The following GPR157 variants were observed in gnomAD, a reference collection of about 807,000 sequenced individuals.
GPR157 encodes G protein-coupled receptor 157, also known as G-protein coupled receptor 157.
In GPR157, 16 loss-of-function variants were observed where a neutral mutation model predicts 23.5. That is an observed-to-expected ratio of 0.68 (90% CI 0.46 to 1.04). The LOEUF (loss-of-function observed/expected upper bound fraction) is 1.04. Ranked by LOEUF, GPR157 falls within the 50% of genes least tolerant of loss-of-function variation. The probability of loss-of-function intolerance (pLI) is 0.00; values close to 1 mark genes in which losing one functional copy is unlikely to be tolerated. For missense variants in GPR157, 440 were observed against 460.7 expected (o/e 0.96, Z 0.41); for synonymous variants, 200 against 221.5 (o/e 0.90, Z 0.86).
chr1:9,102,178 G>A lies in GPR157; in HGVS notation c.*2241C>T, dbSNP rs530499938. 1 of 152,232 alleles carries A rather than the reference G, an allele frequency of 6.6e-6. No homozygotes were observed. Among genetic ancestry groups the A allele is most frequent in the African/African-American group, 2.4e-5 (1 of 41,532 alleles). 9.4% of individuals were successfully genotyped at this position (152,232 alleles called of 1,614,324 possible). ...CAATCGAAGCATTTTGGGAGGCTGA[G>A]GTGGGTGGATCACCTGAGGTCAGGA... On this transcript the variant is annotated 3_prime_UTR_variant, in exon 4 of 4. Coordinates refer to ENST00000377411, the MANE Select transcript of GPR157 (RefSeq NM_024980.5).
chr1:9,105,637 T>C lies in GPR157; in HGVS notation c.641A>G (p.His214Arg). 6.2e-7 allele frequency: 1 copy of C among 1,612,968 alleles called. No homozygotes were observed. Among genetic ancestry groups the C allele is most frequent in the Non-Finnish European group, 8.5e-7 (1 of 1,179,688 alleles). Residue 214 changes from histidine (H) to arginine (R), a missense_variant, in exon 3 of 4, where the codon CAC becomes CGC. Coordinates refer to ENST00000377411, the MANE Select transcript of GPR157 (RefSeq NM_024980.5). This position sits in a 1 kb window ranked among gnomAD's most constrained non-coding sequence, Gnocchi z 4.8. ...CATGGAGGAGTGGCGCAGCAGGCGG[T>C]GCTCCTGGGAGAGGATGGGCCGGTA... Reference protein sequence around the residue: ...SEYRPILSQEHRLLRHSSMAD... With the variant: ...SEYRPILSQERRLLRHSSMAD...
rs183442398 is a variant in GPR157, at chr1:9,104,200, C to A, written c.*219G>T. 247 of 564,718 alleles carry A rather than the reference C, an allele frequency of 4.4e-4. No individual in the cohort carries two copies. The highest frequency in any genetic ancestry group is 7.2e-4 in the Non-Finnish European group (225 of 314,624). The allele number at this position is 564,718 out of a possible 1,614,324, so 35.0% of individuals were successfully genotyped here. A position where few individuals can be genotyped will look rare whatever the true frequency, so the allele number is the denominator to read the frequency against. On this transcript the variant is annotated 3_prime_UTR_variant, in exon 4 of 4. Coordinates refer to ENST00000377411, the MANE Select transcript of GPR157 (RefSeq NM_024980.5). ...ACCCTTATGCAGATGAACGCCCACC[C>A]GTGGGCCAGGACGCTGGTACCGGTG...
Position 9,113,084 on chromosome 1 carries a change from C to T in GPR157, c.384-1595G>A, listed in dbSNP as rs545588269. 4.6e-5 allele frequency among the ~76,000 whole-genome samples: 7 copies of T among 152,288 alleles called. No individual in the cohort carries two copies. The South Asian group carries it at 1.5e-3, about 32-fold the overall frequency. On this transcript the variant is annotated intron_variant, in intron 1 of 3. Transcript: ENST00000377411. ...TGTCGGGTCGTTATGAGAACAAATA[C>T]ATGTGTGTACAGAGCACAGGGCCAG... is the stretch of plus-strand genomic sequence containing the variant.
intron 1 of GPR157, among the ~76,000 whole-genome samples, chr1:9,121,454 A>C: frequency 6.6e-6 from 1 of 152,068 alleles, no homozygotes; most frequent in Non-Finnish European, 1.5e-5. Context: ...CCTGGCCAAC[A>C]GGGTAAAACA....
chr1:9,114,470 C>T (rs1427614285), intron 1 of GPR157, among the ~76,000 whole-genome samples: 1 of 152,002 alleles, frequency 6.6e-6, no homozygotes, highest in Non-Finnish European at 1.5e-5. Context: ...TATGTAGGAA[C>T]AGTCCCCCTG....
At chr1:9,123,059 G>A (rs1638833337) in intron 1 of GPR157, among the ~76,000 whole-genome samples, 2 of 150,802 alleles carry the variant, frequency 1.3e-5, no homozygotes, top group South Asian at 4.2e-4. Context: ...GGAAGGCTGA[G>A]GCAGGAGAGT....
intron 1 of GPR157, among the ~76,000 whole-genome samples, chr1:9,114,630 G>A (rs770875638): frequency 1.3e-5 from 2 of 152,310 alleles, no homozygotes; most frequent in African/African-American, 2.4e-5. Flanking sequence ...ACACGGAACC[G>A]CACTCTGTAA....
At chr1:9,104,671 A>T (rs370648598) in intron 3 of GPR157, 37 bp from the exon 4 acceptor site, 863 of 1,484,320 alleles carry the variant, frequency 5.8e-4, no homozygotes, top group Non-Finnish European at 7.6e-4. Flanking sequence ...ATGGGGCTGG[A>T]GTTGGTCTCA....
Position 9,111,498 on chromosome 1 carries a change from G to A in GPR157, c.384-9C>T. On this transcript the variant is annotated splice_polypyrimidine_tract_variant and intron_variant, in intron 1 of 3. Coordinates refer to ENST00000377411, the MANE Select transcript of GPR157 (RefSeq NM_024980.5). ...CCAACGGGACCCCCCAGCTGAGGAAGGAGGAGAGAAAGAGGCATCGGGGTC... is the reference window on the plus strand; with the variant it reads ...CCAACGGGACCCCCCAGCTGAGGAAAGAGGAGAGAAAGAGGCATCGGGGTC... 1.2e-6 allele frequency: 2 copies of A among 1,611,104 alleles called. No individual in the cohort carries two copies. The highest frequency in any genetic ancestry group is 1.1e-5 in the South Asian group (1 of 91,032).
At chr1:9,123,174 A>AAAAAAAATATATATAT (rs1553175764) in intron 1 of GPR157, among the ~76,000 whole-genome samples, 17 of 117,088 alleles carry the variant, frequency 1.5e-4, no homozygotes, top group African/African-American at 5.8e-4. Flanking sequence ...AAAAAAAAAA[A>AAAAAAAATATATATAT]ATATATATAT....
Position 9,104,482 on chromosome 1 carries a change from C to T in GPR157, c.945G>A (p.Ala315=), listed in dbSNP as rs201197961. The stretch of plus-strand genomic sequence containing the variant: ...CCTGAGATTCTCCTGGCTTGGAAGG[C>T]GCGGGAGCCTTGGGAGTGCCAGCCG... ...KSPAGTPKAP[A]PSKPGESQES... is the part of the protein sequence containing the mutation. Residue 315 remains alanine (A), a synonymous_variant, in exon 4 of 4, where the codon GCG becomes GCA. Coordinates refer to ENST00000377411, the MANE Select transcript of GPR157 (RefSeq NM_024980.5). 2.0e-5 allele frequency: 32 copies of T among 1,613,416 alleles called. No homozygotes were observed. The highest frequency in any genetic ancestry group is 8.0e-5 in the African/African-American group (6 of 74,780).
Position 9,111,688 on chromosome 1 carries a change from G to T in GPR157, c.384-199C>A, listed in dbSNP as rs536996695. On this transcript the variant is annotated intron_variant, in intron 1 of 3. Coordinates refer to ENST00000377411, the MANE Select transcript of GPR157 (RefSeq NM_024980.5). ...CTACTTTAGAATTCTTCGGGGACTG[G>T]CATTAGAATGGAGTGACGTGGGACA... 5.9e-4 allele frequency among the ~76,000 whole-genome samples: 90 copies of T among 152,324 alleles called. 2 individuals carry two copies. The highest frequency in any genetic ancestry group is 2.0e-3 in the African/African-American group (85 of 41,576).
intron 1 of GPR157, among the ~76,000 whole-genome samples, chr1:9,123,770 T>TAATATTAAATATATATA (rs1638905114): frequency 9.3e-6 from 1 of 107,232 alleles, no homozygotes; most frequent in Non-Finnish European, 1.9e-5. Flanking sequence ...TTATATATAT[T>TAATATTAAATATATATA]TAATATTAAA....
Position 9,128,180 on chromosome 1 carries a change from T to A in GPR157, c.383+465A>T. 2.3e-6 allele frequency: 1 copy of A among 434,642 alleles called. No individual in the cohort carries two copies. Among genetic ancestry groups the A allele is most frequent in the South Asian group, 1.7e-5 (1 of 58,404 alleles). 26.9% of individuals were successfully genotyped at this position (434,642 alleles called of 1,614,324 possible). A position where few individuals can be genotyped will look rare whatever the true frequency, so the allele number is the denominator to read the frequency against. ...CAGCAGAGACACGGCAGCTCGGGAGTGGCGGAGTGCACCAAGCTCACTGTG... is the reference window on the plus strand; with the variant it reads ...CAGCAGAGACACGGCAGCTCGGGAGAGGCGGAGTGCACCAAGCTCACTGTG... On this transcript the variant is annotated intron_variant, in intron 1 of 3. Coordinates refer to ENST00000377411, the MANE Select transcript of GPR157 (RefSeq NM_024980.5). The surrounding 1 kb of genome is among the most constrained non-coding windows in gnomAD (Gnocchi z 6.3).
In GPR157 at chr1:9,105,141, C is replaced by A. The variant is rs1006411100; in HGVS notation, c.792+345G>T. Reference sequence around the variant, plus strand: ...TGCTGTGTACCCCAGAACCTCCCCCCATCCTCCCCGCCATGGCTGATCTGG... The same window carrying A: ...TGCTGTGTACCCCAGAACCTCCCCCAATCCTCCCCGCCATGGCTGATCTGG... On this transcript the variant is annotated intron_variant, in intron 3 of 3. Coordinates refer to ENST00000377411, the MANE Select transcript of GPR157 (RefSeq NM_024980.5). This position sits in a 1 kb window ranked among gnomAD's most constrained non-coding sequence, Gnocchi z 4.8. Among the ~76,000 whole-genome samples, 1 of 152,022 alleles carries A rather than the reference C, an allele frequency of 6.6e-6. No homozygotes were observed. Among genetic ancestry groups the A allele is most frequent in the Non-Finnish European group, 1.5e-5 (1 of 67,982 alleles).
intron 1 of GPR157, among the ~76,000 whole-genome samples, chr1:9,124,901 T>A (rs1016308790): frequency 1.3e-5 from 2 of 152,206 alleles, no homozygotes; most frequent in Non-Finnish European, 2.9e-5. Flanking sequence ...TGTGACCGTC[T>A]CACCTCATAA....
At chr1:9,119,219 G>A (rs1638750744) in intron 1 of GPR157, among the ~76,000 whole-genome samples, 1 of 152,178 alleles carries the variant, frequency 6.6e-6, no homozygotes, top group Non-Finnish European at 1.5e-5. Context: ...TTTTAGTAGA[G>A]ACGGGGTTTC....
chr1:9,111,566 G>GCAGGCCACTTGTCCCC, intron 1 of GPR157, 77 bp from the exon 2 acceptor site: 1 of 1,195,904 alleles, frequency 8.4e-7, no homozygotes, highest in Non-Finnish European at 1.2e-6. Context: ...AAAAATGACG[G>GCAGGCCACTTGTCCCC]AGGACGCCCT....
chr1:9,128,134 C>T lies in GPR157; in HGVS notation c.383+511G>A, dbSNP rs1639003900. The T allele has an allele frequency of 5.4e-6, 2 of 371,314 alleles. No individual in the cohort carries two copies. The highest frequency in any genetic ancestry group is 1.1e-5 in the Non-Finnish European group (2 of 186,590). 23.0% of individuals were successfully genotyped at this position (371,314 alleles called of 1,614,324 possible). ...AAACGACCAAAGACAGAATAAAAAG[C>T]ACAGTCCTTTGTAAACTGTACAGCA... On this transcript the variant is annotated intron_variant, in intron 1 of 3. Coordinates refer to ENST00000377411, the MANE Select transcript of GPR157 (RefSeq NM_024980.5). The surrounding 1 kb of genome is among the most constrained non-coding windows in gnomAD (Gnocchi z 6.3).
Sources: allele counts gnomAD v4.1 joint callset (sites outside exome capture counted in the v4.1 genomes callset), GRCh38; gene constraint gnomAD v4.1.1; non-coding constraint Gnocchi (gnomAD v3.1); transcripts MANE v1.5; gene names NCBI Gene and HGNC (gene_info 2026-07-23, HGNC 2026-07-21).